ATXN7L1: variants seen among roughly 807,000 people sequenced by gnomAD.
The protein encoded by ATXN7L1 is ataxin 7 like 1.
A neutral mutation model predicts 70.8 loss-of-function variants in ATXN7L1; 15 were observed. The observed-to-expected ratio is 0.21, with a 90% confidence interval of 0.14 to 0.33. The LOEUF is 0.33. Among genes scored for constraint, ATXN7L1 ranks in the 10% least tolerant of loss-of-function variants. The probability of loss-of-function intolerance (pLI) is 1.00; values close to 1 mark genes in which losing one functional copy is unlikely to be tolerated. For synonymous variants in ATXN7L1, 440 were observed against 445.1 expected (o/e 0.99, Z 0.14); for missense variants, 975 against 1,097.1 (o/e 0.89, Z 1.57).
At chr7:105,624,345 G>T in intron 7 of ATXN7L1, 78 bp from the exon 8 acceptor site, 1 of 1,268,594 alleles carries the variant, frequency 7.9e-7, no homozygotes, top group Non-Finnish European at 1.0e-6. Flanking sequence ...CCAGTTTAAT[G>T]GTGCTCAGAA....
intron 3 of ATXN7L1, among the ~76,000 whole-genome samples, chr7:105,735,950 CCTTATA>C (rs1413299186): frequency 6.6e-6 from 1 of 152,004 alleles, no homozygotes; most frequent in Non-Finnish European, 1.5e-5. Context: ...GTTCAAGTTG[CCTTATA>C]CTTATTATTT....
At chr7:105,773,367 C>T (rs1000323817) in intron 3 of ATXN7L1, among the ~76,000 whole-genome samples, 2 of 152,198 alleles carry the variant, frequency 1.3e-5, no homozygotes, top group African/African-American at 4.8e-5. Context: ...CAGGCCCATG[C>T]CCTGCACTGC....
In ATXN7L1 at chr7:105,788,617, G is replaced by A; in HGVS notation, c.342C>T (p.Phe114=). ...ACNQVVKPQV[F]QSHCERRHGS... is the part of the protein sequence containing the mutation. ...GGGTCCACTTACCGCAGTGCGACTGGAAAACCTGTGGCTTGACGACCTGGT... is the reference window on the plus strand; with the variant it reads ...GGGTCCACTTACCGCAGTGCGACTGAAAAACCTGTGGCTTGACGACCTGGT... The change falls in exon 3 of 12, where the codon TTC becomes TTT. Residue 114 remains phenylalanine (F), a synonymous_variant. Coordinates refer to ENST00000419735, the MANE Select transcript of ATXN7L1 (RefSeq NM_020725.2). The A allele has an allele frequency of 6.2e-7, 1 of 1,612,860 alleles. No individual in the cohort carries two copies. Among genetic ancestry groups the A allele is most frequent in the Non-Finnish European group, 8.5e-7 (1 of 1,178,832 alleles).
At chr7:105,718,642 T>A (rs903832938) in intron 3 of ATXN7L1, among the ~76,000 whole-genome samples, 4 of 152,206 alleles carry the variant, frequency 2.6e-5, no homozygotes, top group African/African-American at 9.6e-5. Context: ...GCAAAAAATG[T>A]GGCCAGCCAG....
At chr7:105,727,777 TACACACAC>T (rs1274006496) in intron 3 of ATXN7L1, among the ~76,000 whole-genome samples, 63 of 89,942 alleles carry the variant, frequency 7.0e-4, no homozygotes, top group East Asian at 3.2e-3. Flanking sequence ...TATATATATA[TACACACAC>T]ATACACACAT....
chr7:105,839,378 A>C (rs752691649), intron 2 of ATXN7L1, among the ~76,000 whole-genome samples: 19 of 151,994 alleles, frequency 1.3e-4, no homozygotes, highest in Non-Finnish European at 2.6e-4. Context: ...AGCCCGATGC[A>C]CTCTTTACTG....
intron 3 of ATXN7L1, among the ~76,000 whole-genome samples, chr7:105,724,903 T>G (rs1795631683): frequency 6.6e-6 from 1 of 152,062 alleles, no homozygotes; most frequent in East Asian, 1.9e-4. Context: ...CATAGCTCAC[T>G]GCAGCCTCAA....
chr7:105,842,074 C>T (rs1426265505), intron 2 of ATXN7L1, among the ~76,000 whole-genome samples: 6 of 152,262 alleles, frequency 3.9e-5, no homozygotes, highest in Middle Eastern at 3.4e-3. Flanking sequence ...CTTCATGCCA[C>T]GTCAAGCCAC....
chr7:105,727,769 TATATATATAC>T (rs1584851810), intron 3 of ATXN7L1, among the ~76,000 whole-genome samples: 1 of 120,298 alleles, frequency 8.3e-6, no homozygotes, highest in African/African-American at 3.3e-5. Flanking sequence ...TATATATATA[TATATATATAC>T]ACACACATAC....
intron 4 of ATXN7L1, among the ~76,000 whole-genome samples, chr7:105,657,069 G>A (rs1416944424): frequency 6.6e-6 from 1 of 152,044 alleles, no homozygotes; most frequent in Non-Finnish European, 1.5e-5. Context: ...CTAATCTAAG[G>A]GCCACGGTCC....
chr7:105,756,036 C>T (rs1325640826), intron 3 of ATXN7L1, among the ~76,000 whole-genome samples: 2 of 152,170 alleles, frequency 1.3e-5, no homozygotes, highest in Non-Finnish European at 2.9e-5. Flanking sequence ...TCATCACCCA[C>T]GCGTGTATCG....
At chr7:105,726,589 G>C (rs79577342) in intron 3 of ATXN7L1, among the ~76,000 whole-genome samples, 1 of 152,202 alleles carries the variant, frequency 6.6e-6, no homozygotes, top group Non-Finnish European at 1.5e-5. Context: ...CAAATGACAG[G>C]TGAGAAATAC....
chr7:105,691,767 G>T (rs143872640), intron 3 of ATXN7L1: 1 of 152,026 alleles, frequency 6.6e-6, no homozygotes, highest in Non-Finnish European at 1.5e-5. Flanking sequence ...ACAGAGCAAC[G>T]TGATACGGTA....
intron 2 of ATXN7L1, among the ~76,000 whole-genome samples, chr7:105,836,664 A>C (rs991225891): frequency 1.3e-5 from 2 of 152,194 alleles, no homozygotes; most frequent in African/African-American, 2.4e-5. Context: ...CCCTGAACAG[A>C]GTCTCAAAGG....
intron 5 of ATXN7L1, 147 bp downstream of exon 5, chr7:105,642,691 G>A: frequency 9.8e-7 from 1 of 1,016,820 alleles, no homozygotes; most frequent in Non-Finnish European, 1.4e-6. Flanking sequence ...GCATTTTTAG[G>A]TGGGGTTCCT....
chr7:105,692,350 A>T (rs1181100283), intron 3 of ATXN7L1, among the ~76,000 whole-genome samples: 2 of 144,934 alleles, frequency 1.4e-5, no homozygotes, highest in African/African-American at 5.1e-5. Context: ...AGAAAGGGAC[A>T]TGCTGGATGA....
chr7:105,636,492 A>C (rs1797408103), intron 7 of ATXN7L1, among the ~76,000 whole-genome samples: 1 of 135,112 alleles, frequency 7.4e-6, no homozygotes, highest in Non-Finnish European at 1.6e-5. Context: ...CTTTTCTCTG[A>C]TTAACCTCAC....
chr7:105,754,593 T>C (rs1799587750), intron 3 of ATXN7L1, among the ~76,000 whole-genome samples: 1 of 152,284 alleles, frequency 6.6e-6, no homozygotes, highest in East Asian at 1.9e-4. Flanking sequence ...GCTGAGTAGC[T>C]GGACTATAGG....
intron 2 of ATXN7L1, among the ~76,000 whole-genome samples, chr7:105,816,702 C>G (rs1809253959): frequency 6.6e-6 from 1 of 152,222 alleles, no homozygotes; most frequent in Non-Finnish European, 1.5e-5. Context: ...TCACCTCCAG[C>G]TGGGAGCTGG....
Sources: gnomAD v4.1 joint callset for allele counts (sites outside exome capture counted in the v4.1 genomes callset) on GRCh38, gnomAD v4.1.1 for gene constraint, MANE v1.5 for transcripts, NCBI Gene and HGNC (gene_info 2026-07-23, HGNC 2026-07-21) for gene names.